The following CCDC171 variants were observed in gnomAD, a reference collection of about 807,000 sequenced individuals.
CCDC171 encodes the protein coiled-coil domain containing 171.
Under a neutral mutation model 168.2 loss-of-function variants are expected in CCDC171, and 177 were observed. The observed-to-expected ratio is 1.05, with a 90% CI of 0.93 to 1.19. CCDC171 has a LOEUF of 1.19. CCDC171 is among the 50% of genes most tolerant of loss of function. The pLI is 0.00. For missense variants in CCDC171, 1,991 were observed against 1,539.0 expected (o/e 1.29, Z -4.91); for synonymous variants, 687 against 540.8 (o/e 1.27, Z -3.75).
At chr9:15,586,187 C>T (rs1011541389) in intron 4 of CCDC171, among the ~76,000 whole-genome samples, 1 of 152,128 alleles carries the variant, frequency 6.6e-6, no homozygotes, top group Non-Finnish European at 1.5e-5. Flanking sequence ...TAAATGAATG[C>T]ATGCATTGAA....
At chr9:16,000,749 A>G (rs953509352) in intron 3 of CCDC171, among the ~76,000 whole-genome samples, 2 of 150,992 alleles carry the variant, frequency 1.3e-5, no homozygotes, top group Non-Finnish European at 2.9e-5. Context: ...TGCTTCACCT[A>G]CTATGTGCAG....
chr9:16,097,467 T>C, the CCDC171 span, among the ~76,000 whole-genome samples: 3 of 152,240 alleles, frequency 2.0e-5, no homozygotes, highest in Non-Finnish European at 2.9e-5. Flanking sequence ...TAGAATGGCA[T>C]TATTCTCATT....
chr9:15,751,781 T>G (rs764626947), intron 18 of CCDC171, among the ~76,000 whole-genome samples: 9 of 152,092 alleles, frequency 5.9e-5, no homozygotes, highest in African/African-American at 2.2e-4. Context: ...AAGACTTAAA[T>G]GTAAGACCTA....
chr9:15,917,024 A>G (rs1010935852), intron 24 of CCDC171, among the ~76,000 whole-genome samples: 13 of 151,952 alleles, frequency 8.6e-5, no homozygotes, highest in Non-Finnish European at 1.5e-4. Context: ...AAATAATGTG[A>G]TCTTTTAATA....
intron 24 of CCDC171, among the ~76,000 whole-genome samples, chr9:15,878,118 C>G (rs964791632): frequency 1.3e-5 from 2 of 151,976 alleles, no homozygotes; most frequent in Admixed American, 1.3e-4. Flanking sequence ...ACAAAGACAA[C>G]AAATGACAAA....
chr9:15,648,856 C>G (rs1484135620), intron 7 of CCDC171, among the ~76,000 whole-genome samples: 1 of 152,194 alleles, frequency 6.6e-6, no homozygotes, highest in Non-Finnish European at 1.5e-5. Flanking sequence ...CCATCCCCAT[C>G]AAGCTACCAA....
At chr9:16,045,117 T>G (rs1238608022) in intron 1 of CCDC171, among the ~76,000 whole-genome samples, 1 of 152,208 alleles carries the variant, frequency 6.6e-6, no homozygotes, top group Non-Finnish European at 1.5e-5. Flanking sequence ...TAGGAATAAA[T>G]TCCACCTTAC....
At chr9:15,616,949 G>A (rs183878192) in intron 6 of CCDC171, among the ~76,000 whole-genome samples, 55 of 152,280 alleles carry the variant, frequency 3.6e-4, no homozygotes, top group Admixed American at 5.9e-4. Context: ...TTTACAGGAA[G>A]CATGGTGCTA....
intron 11 of CCDC171, among the ~76,000 whole-genome samples, chr9:15,705,528 C>A (rs938761690): frequency 3.9e-5 from 6 of 152,210 alleles, no homozygotes; most frequent in African/African-American, 1.4e-4. Context: ...ATTCCTTCTA[C>A]CCAGAAAGCT....
chr9:15,818,445 T>A (rs1563800347), intron 21 of CCDC171, among the ~76,000 whole-genome samples: 1 of 114,430 alleles, frequency 8.7e-6, no homozygotes, highest in Non-Finnish European at 2.0e-5. Flanking sequence ...TAAAAACCTT[T>A]AAAAAAAAAT....
intron 18 of CCDC171, among the ~76,000 whole-genome samples, chr9:15,773,767 A>C (rs1037328744): frequency 6.6e-6 from 1 of 152,090 alleles, no homozygotes; most frequent in Non-Finnish European, 1.5e-5. Context: ...AAAGAAATGC[A>C]AGAAAAACAA....
chr9:16,081,879 A>T, the CCDC171 span, among the ~76,000 whole-genome samples: 1 of 151,858 alleles, frequency 6.6e-6, no homozygotes, highest in South Asian at 2.1e-4. Flanking sequence ...CAGGACAGAG[A>T]TGCTCACTGC....
At chr9:15,891,287 A>G (rs1820180243) in intron 24 of CCDC171, among the ~76,000 whole-genome samples, 1 of 152,176 alleles carries the variant, frequency 6.6e-6, no homozygotes, top group African/African-American at 2.4e-5. Context: ...TGTTTGTTTC[A>G]AGATAATGGA....
chr9:15,768,457 G>A (rs1238672614), intron 18 of CCDC171, among the ~76,000 whole-genome samples: 1 of 152,064 alleles, frequency 6.6e-6, no homozygotes, highest in Non-Finnish European at 1.5e-5. Context: ...ACCTGCTAGT[G>A]GGTATCCACG....
At chr9:16,041,481 T>C (rs1435226518), upstream of CCDC171, among the ~76,000 whole-genome samples, 1 of 152,206 alleles carries the variant, frequency 6.6e-6, no homozygotes, top group Non-Finnish European at 1.5e-5. Context: ...AAGCTGGGGT[T>C]TTTGTTTCAT....
chr9:16,103,165 A>G, the CCDC171 span, among the ~76,000 whole-genome samples: 1 of 152,178 alleles, frequency 6.6e-6, no homozygotes, highest in Non-Finnish European at 1.5e-5. Context: ...AGAGCTGTGC[A>G]ATCCTGGTTA....
chr9:16,068,358 A>AT, the CCDC171 span, among the ~76,000 whole-genome samples: 2 of 152,162 alleles, frequency 1.3e-5, no homozygotes, highest in Non-Finnish European at 2.9e-5. Flanking sequence ...GGAAGAATCA[A>AT]TATCGTGAAA....
chr9:15,823,230 C>T (rs12684485), intron 21 of CCDC171, among the ~76,000 whole-genome samples: 6,294 of 151,866 alleles, frequency 0.041, 294 homozygotes, highest in South Asian at 0.11. Context: ...TGTTAAATGA[C>T]GAGATAAAGG....
the CCDC171 span, among the ~76,000 whole-genome samples, chr9:16,094,731 G>A: frequency 6.6e-6 from 1 of 152,206 alleles, no homozygotes; most frequent in Non-Finnish European, 1.5e-5. Flanking sequence ...AAACAAGTTT[G>A]TATCTTACAT....
Sources: allele counts gnomAD v4.1 joint callset (sites outside exome capture counted in the v4.1 genomes callset), GRCh38; gene constraint gnomAD v4.1.1; transcripts MANE v1.5; gene names NCBI Gene and HGNC (gene_info 2026-07-23, HGNC 2026-07-21).